ZBBX: variants seen among roughly 807,000 people sequenced by gnomAD.
ZBBX encodes the protein zinc finger B-box domain-containing protein 1.
ZBBX carries 101 observed loss-of-function variants against 108.5 expected under a neutral mutation model. That is an observed-to-expected ratio of 0.93 (90% CI 0.79 to 1.10). The LOEUF (loss-of-function observed/expected upper bound fraction) is 1.10, where lower values mean the gene tolerates loss of function less well. ZBBX is among the 50% of genes least tolerant of loss of function. The pLI, the probability that ZBBX is intolerant of heterozygous loss-of-function variation, is 0.00. For missense variants in ZBBX, 1,009 were observed against 941.4 expected (o/e 1.07, Z -0.94); for synonymous variants, 356 against 323.4 (o/e 1.10, Z -1.08).
chr3:167,321,573 C>T (rs1372466525), intron 12 of ZBBX, among the ~76,000 whole-genome samples: 1 of 151,962 alleles, frequency 6.6e-6, no homozygotes, highest in Non-Finnish European at 1.5e-5. Flanking sequence ...CCATTATCAC[C>T]TGGGAGCTAT....
intron 18 of ZBBX, among the ~76,000 whole-genome samples, chr3:167,289,622 C>A (rs1182907573): frequency 6.6e-6 from 1 of 152,226 alleles, no homozygotes; most frequent in Non-Finnish European, 1.5e-5. Flanking sequence ...GAGATCCCCT[C>A]CGGTGCCTAC....
chr3:167,291,959 A>G (rs1031310990), intron 18 of ZBBX, among the ~76,000 whole-genome samples: 2 of 152,208 alleles, frequency 1.3e-5, no homozygotes, highest in Admixed American at 1.3e-4. Flanking sequence ...AGAGACGAAG[A>G]AGCCATTACA....
intron 9 of ZBBX, among the ~76,000 whole-genome samples, chr3:167,342,047 T>C (rs962639452): frequency 2.6e-5 from 4 of 151,918 alleles, no homozygotes; most frequent in East Asian, 1.9e-4. Flanking sequence ...AAATTTCATA[T>C]GAAATGAAAT....
intron 19 of ZBBX, among the ~76,000 whole-genome samples, chr3:167,286,443 A>G (rs1242591050): frequency 2.0e-5 from 3 of 152,146 alleles, no homozygotes; most frequent in Admixed American, 6.6e-5. Flanking sequence ...TATAAACTAT[A>G]AATATCAATA....
chr3:167,276,751 A>G (rs577594931), intron 20 of ZBBX, among the ~76,000 whole-genome samples: 1 of 152,182 alleles, frequency 6.6e-6, no homozygotes, highest in Non-Finnish European at 1.5e-5. Flanking sequence ...GAACGCCACA[A>G]AGATATTCCT....
intron 9 of ZBBX, among the ~76,000 whole-genome samples, chr3:167,348,877 A>G (rs1051097379): frequency 1.3e-5 from 2 of 152,100 alleles, no homozygotes; most frequent in Non-Finnish European, 2.9e-5. Context: ...ATACACTTTA[A>G]TAATATTAAC....
At chr3:167,305,325 C>T (rs1733430952) in intron 17 of ZBBX, among the ~76,000 whole-genome samples, 1 of 152,062 alleles carries the variant, frequency 6.6e-6, no homozygotes, top group Non-Finnish European at 1.5e-5. Context: ...ATTTATTATA[C>T]TGTATTATTC....
At position 167,317,601 on chromosome 3, in the gene ZBBX, C is replaced by T; in HGVS notation, c.984-4G>A. ...AAAAAGTTGCTCTTGTGGAGTTCTA[C>T]AAAATAAGAAAGAAGCAATTAAGAG... On this transcript the variant is annotated splice_region_variant and splice_polypyrimidine_tract_variant and intron_variant, in intron 12 of 21. Transcript: ENST00000675490. 1 of 1,593,312 alleles carries T rather than the reference C, an allele frequency of 6.3e-7. No homozygotes were observed. The highest frequency in any genetic ancestry group is 1.4e-5 in the African/African-American group (1 of 73,902).
the ZBBX span, among the ~76,000 whole-genome samples, chr3:167,195,683 T>C: frequency 6.6e-6 from 1 of 152,210 alleles, no homozygotes; most frequent in Admixed American, 6.5e-5. Context: ...ATAAAATCAT[T>C]GTATATGCTG....
At chr3:167,224,396 T>A in the ZBBX span, among the ~76,000 whole-genome samples, 1 of 151,966 alleles carries the variant, frequency 6.6e-6, no homozygotes, top group African/African-American at 2.4e-5. Flanking sequence ...TTTTTCCTGT[T>A]GTCACTATAC....
chr3:167,188,111 T>C, the ZBBX span, among the ~76,000 whole-genome samples: 1 of 152,118 alleles, frequency 6.6e-6, no homozygotes, highest in East Asian at 1.9e-4. Context: ...TTAAACTCCA[T>C]GGGATCAGTG....
downstream of ZBBX, among the ~76,000 whole-genome samples, chr3:167,237,427 C>A (rs1381889634): frequency 6.6e-6 from 1 of 151,792 alleles, no homozygotes; most frequent in Non-Finnish European, 1.5e-5. Context: ...GGTCATTTAT[C>A]CAATAGTGGT....
In ZBBX at chr3:167,243,311, A is replaced by G. The variant is rs371318172; in HGVS notation, c.2255-668T>C. On this transcript the variant is annotated intron_variant, in intron 20 of 21. Transcript: ENST00000675490. ...AAAGGCTACAATGCCTTCTTTTTTC[A>G]CTGCTGAAATTATAATGAGCCACCT... 4.6e-5 allele frequency among the ~76,000 whole-genome samples: 7 copies of G among 152,268 alleles called. No individual in the cohort carries two copies. In the South Asian group the frequency reaches 1.5e-3, roughly 32 times the overall value.
At chr3:167,313,815 T>G (rs1734990809) in intron 16 of ZBBX, among the ~76,000 whole-genome samples, 159 bp downstream of exon 16, 1 of 152,146 alleles carries the variant, frequency 6.6e-6, no homozygotes, top group South Asian at 2.1e-4. Context: ...TTGACTAAAT[T>G]GCATATTTAC....
chr3:167,235,856 C>T (rs1720213355), downstream of ZBBX, among the ~76,000 whole-genome samples: 1 of 151,612 alleles, frequency 6.6e-6, no homozygotes, highest in Admixed American at 6.6e-5. Context: ...TAATCATTTA[C>T]TCAACAAACA....
intron 16 of ZBBX, among the ~76,000 whole-genome samples, chr3:167,306,561 T>C (rs546795266): frequency 1.3e-5 from 2 of 152,148 alleles, no homozygotes; most frequent in Non-Finnish European, 2.9e-5. Context: ...AGTAGAATCA[T>C]CTGAAGGCAC....
chr3:167,368,028 T>G (rs1745599567), intron 5 of ZBBX, among the ~76,000 whole-genome samples: 1 of 147,884 alleles, frequency 6.8e-6, no homozygotes, highest in Admixed American at 6.8e-5. Flanking sequence ...CAGATCTTCA[T>G]TATGTATATA....
intron 1 of ZBBX, among the ~76,000 whole-genome samples, chr3:167,407,214 A>T (rs1748612304): frequency 6.6e-6 from 1 of 152,172 alleles, no homozygotes; most frequent in Non-Finnish European, 1.5e-5. Flanking sequence ...TATCTAACAA[A>T]ATCCAAATAA....
At chr3:167,366,338 A>T (rs892653446) in intron 5 of ZBBX, among the ~76,000 whole-genome samples, 3 of 151,884 alleles carry the variant, frequency 2.0e-5, no homozygotes, top group African/African-American at 7.2e-5. Flanking sequence ...AAAGAAGAAA[A>T]GCAAGCAAAC....
Sources: gnomAD v4.1 joint callset for allele counts (sites outside exome capture counted in the v4.1 genomes callset) on GRCh38, gnomAD v4.1.1 for gene constraint, MANE v1.5 for transcripts, NCBI Gene and HGNC (gene_info 2026-07-23, HGNC 2026-07-21) for gene names.